AUTS2: variants seen among roughly 807,000 people sequenced by gnomAD.
The protein encoded by AUTS2 is autism susceptibility gene 2 protein.
In AUTS2, 17 loss-of-function variants were observed where a neutral mutation model predicts 112.4. That is an observed-to-expected ratio of 0.15 (90% CI 0.10 to 0.23). The LOEUF is 0.23. Among genes scored for constraint, AUTS2 ranks in the 10% least tolerant of loss-of-function variants. AUTS2 has a pLI of 1.00. For missense variants in AUTS2, 1,510 were observed against 1,701.6 expected (o/e 0.89, Z 1.98); for synonymous variants, 751 against 702.7 (o/e 1.07, Z -1.09).
intron 5 of AUTS2, among the ~76,000 whole-genome samples, chr7:70,686,470 T>C (rs1448022044): frequency 6.6e-6 from 1 of 152,208 alleles, no homozygotes; most frequent in African/African-American, 2.4e-5. Flanking sequence ...TTTTAACCAC[T>C]AGACCAACTA....
chr7:70,308,380 A>G (rs1183267605), intron 4 of AUTS2, among the ~76,000 whole-genome samples: 2 of 152,222 alleles, frequency 1.3e-5, no homozygotes, highest in Admixed American at 6.5e-5. Flanking sequence ...GGGTTTCAGT[A>G]GTAAAGTATA....
rs202106724 is a variant in AUTS2, at chr7:70,790,894, G to T, written c.3678G>T (p.Thr1226=). 38 of 1,596,260 alleles carry T rather than the reference G, an allele frequency of 2.4e-5. No homozygotes were observed. In the East Asian group the frequency reaches 6.5e-4, roughly 27 times the overall value. ...GCGCACCTCCCCCGCTCATCTCCACGCTGGGGGGCCGCCCGGTCTCTCCCA... is the reference window on the plus strand; with the variant it reads ...GCGCACCTCCCCCGCTCATCTCCACTCTGGGGGGCCGCCCGGTCTCTCCCA... ...ALSAPPPLIS[T]LGGRPVSPRR... Residue 1226 remains threonine (T), a synonymous_variant, in exon 19 of 19, where the codon ACG becomes ACT. Coordinates refer to ENST00000342771, the MANE Select transcript of AUTS2 (RefSeq NM_015570.4). This position sits in a 1 kb window ranked among gnomAD's most constrained non-coding sequence, Gnocchi z 7.6.
chr7:70,297,587 A>C (rs1789002153), intron 4 of AUTS2, among the ~76,000 whole-genome samples: 5 of 148,052 alleles, frequency 3.4e-5, no homozygotes, highest in Non-Finnish European at 4.5e-5. Context: ...CTGCCACCAC[A>C]CCCGGGTAAT....
intron 1 of AUTS2, among the ~76,000 whole-genome samples, chr7:69,849,836 C>A (rs377058374): frequency 6.6e-6 from 1 of 151,954 alleles, no homozygotes; most frequent in East Asian, 1.9e-4. Flanking sequence ...TTTAATCATT[C>A]GCTTATTGAG....
chr7:70,310,544 C>T (rs58873380), intron 4 of AUTS2, among the ~76,000 whole-genome samples: 7,621 of 151,124 alleles, frequency 0.05, 503 homozygotes, highest in African/African-American at 0.15. Context: ...ACCCAGGAGG[C>T]GGAGCTTGCA....
At chr7:70,096,926 A>T (rs975559502) in intron 2 of AUTS2, among the ~76,000 whole-genome samples, 1 of 152,188 alleles carries the variant, frequency 6.6e-6, no homozygotes, top group African/African-American at 2.4e-5. Context: ...TTGAAAAGTG[A>T]TATTGGGCAG....
intron 1 of AUTS2, among the ~76,000 whole-genome samples, chr7:69,852,292 T>A (rs765943130): frequency 6.6e-5 from 10 of 152,220 alleles, no homozygotes; most frequent in Non-Finnish European, 1.2e-4. Context: ...ATTCTTTTTA[T>A]ATATTGCTAA....
chr7:70,436,509 C>T (rs1795900036), intron 5 of AUTS2: 1 of 152,224 alleles, frequency 6.6e-6, no homozygotes. Context: ...GTCTTTCTTT[C>T]TAGCCGTTCC....
chr7:70,506,784 C>T (rs563805711), intron 5 of AUTS2, among the ~76,000 whole-genome samples: 36 of 152,326 alleles, frequency 2.4e-4, no homozygotes, highest in African/African-American at 8.2e-4. Context: ...TTGTTTATTT[C>T]GGGGCTGAGA....
intron 5 of AUTS2, among the ~76,000 whole-genome samples, chr7:70,621,971 C>T (rs1325879755): frequency 1.3e-5 from 2 of 150,124 alleles, no homozygotes; most frequent in East Asian, 4.0e-4. Context: ...CTCAGCCTCG[C>T]GAGTAACTGG....
At chr7:70,030,614 C>G (rs1391568411) in intron 2 of AUTS2, among the ~76,000 whole-genome samples, 1 of 152,072 alleles carries the variant, frequency 6.6e-6, no homozygotes, top group Non-Finnish European at 1.5e-5. Context: ...AAGGACTAGC[C>G]TTCTCTTATA....
At chr7:70,533,574 G>T (rs1241002754) in intron 5 of AUTS2, among the ~76,000 whole-genome samples, 1 of 152,212 alleles carries the variant, frequency 6.6e-6, no homozygotes, top group South Asian at 2.1e-4. Flanking sequence ...TTTCTGTTCA[G>T]CTGTCCCTTA....
chr7:70,606,841 G>T (rs192811787), intron 5 of AUTS2, among the ~76,000 whole-genome samples: 1 of 146,868 alleles, frequency 6.8e-6, no homozygotes, highest in Non-Finnish European at 1.5e-5. Context: ...CAGCCTGGGC[G>T]ACAAGCGAGA....
chr7:69,957,417 C>T (rs1244789803), intron 2 of AUTS2, among the ~76,000 whole-genome samples: 1 of 151,892 alleles, frequency 6.6e-6, no homozygotes, highest in East Asian at 1.9e-4. Flanking sequence ...AATGATTTAC[C>T]TTGTCCTGAA....
chr7:70,617,740 G>A (rs1423401741), intron 5 of AUTS2, among the ~76,000 whole-genome samples: 1 of 152,044 alleles, frequency 6.6e-6, no homozygotes, highest in East Asian at 1.9e-4. Context: ...AGTTGGAAAA[G>A]TTAAATGATT....
chr7:69,955,704 G>C (rs1231387268), intron 2 of AUTS2, among the ~76,000 whole-genome samples: 1 of 152,030 alleles, frequency 6.6e-6, no homozygotes, highest in Non-Finnish European at 1.5e-5. Flanking sequence ...CAAAGTTTAG[G>C]GCCTCAATTC....
At chr7:69,938,553 C>A (rs1471612959) in intron 2 of AUTS2, among the ~76,000 whole-genome samples, 1 of 152,158 alleles carries the variant, frequency 6.6e-6, no homozygotes, top group African/African-American at 2.4e-5. Context: ...CATGACCTTG[C>A]CCTGAACCCA....
chr7:70,172,389 A>G (rs1336644557), intron 4 of AUTS2, among the ~76,000 whole-genome samples: 5 of 152,212 alleles, frequency 3.3e-5, no homozygotes. Context: ...CTTCTTCGTA[A>G]TTAAAGAACG....
At chr7:70,777,943 G>A (rs1790813850) in intron 14 of AUTS2, among the ~76,000 whole-genome samples, 1 of 152,186 alleles carries the variant, frequency 6.6e-6, no homozygotes, top group Non-Finnish European at 1.5e-5. Context: ...AGAGTCATGT[G>A]TGCCCTATAT....
Sources: gnomAD v4.1 joint callset for allele counts (sites outside exome capture counted in the v4.1 genomes callset) on GRCh38, gnomAD v4.1.1 for gene constraint, Gnocchi (gnomAD v3.1) non-coding constraint, MANE v1.5 for transcripts, NCBI Gene and HGNC (gene_info 2026-07-23, HGNC 2026-07-21) for gene names.